The following TMEM200A variants were observed in gnomAD, a reference collection of about 807,000 sequenced individuals.
The protein encoded by TMEM200A is transmembrane protein 200A, also known as two transmembrane C.
In TMEM200A, 12 loss-of-function variants were observed where a neutral mutation model predicts 24.3. The observed-to-expected ratio is 0.49, with a 90% CI of 0.32 to 0.80. The LOEUF is 0.80. Among genes scored for constraint, TMEM200A ranks in the 30% least tolerant of loss-of-function variants. The pLI, the probability that TMEM200A is intolerant of heterozygous loss-of-function variation, is 0.04. For missense variants in TMEM200A, 545 were observed against 614.4 expected, an observed-to-expected ratio of 0.89 and a Z score of 1.19; for synonymous variants, 224 against 224.4, an observed-to-expected ratio of 1.00 and a Z score of 0.02.
At chr6:130,369,947 G>A (rs1044918674) in intron 1 of TMEM200A, among the ~76,000 whole-genome samples, 7 of 152,202 alleles carry the variant, frequency 4.6e-5, no homozygotes, top group African/African-American at 1.7e-4. Flanking sequence ...GTAGAAGGGA[G>A]TTACTCAGGA....
chr6:130,370,558 A>G (rs1221188997), intron 1 of TMEM200A, among the ~76,000 whole-genome samples: 1 of 152,170 alleles, frequency 6.6e-6, no homozygotes, highest in Non-Finnish European at 1.5e-5. Flanking sequence ...CCCTCTGCAC[A>G]ATGATCTGGA....
chr6:130,365,835 T>A, upstream of TMEM200A: 1 of 985,580 alleles, frequency 1.0e-6, no homozygotes, highest in Non-Finnish European at 1.2e-6. Context: ...GCAGATCCTG[T>A]CTGCGTCCTC....
intron 1 of TMEM200A, among the ~76,000 whole-genome samples, chr6:130,384,404 T>G (rs892670657): frequency 2.6e-5 from 4 of 152,154 alleles, no homozygotes; most frequent in African/African-American, 9.7e-5. Flanking sequence ...CTCAAATACT[T>G]GTGCTCAAGT....
rs1416051735 is a variant in TMEM200A at position 130,442,723 on chromosome 6, A to G, written c.*825A>G. On this transcript the variant is annotated 3_prime_UTR_variant, in exon 3 of 3. Coordinates refer to ENST00000296978, the MANE Select transcript of TMEM200A (RefSeq NM_001258277.2). ...AATGTTGACTAATGAATTAAGATACATTATATACTAGTTAATGCTAACTAG... is the reference window on the plus strand; with the variant it reads ...AATGTTGACTAATGAATTAAGATACGTTATATACTAGTTAATGCTAACTAG... The G allele has an allele frequency of 6.0e-6, 1 of 167,016 alleles. No homozygotes were observed. Among genetic ancestry groups the G allele is most frequent in the Non-Finnish European group, 1.5e-5 (1 of 68,104 alleles). 10.3% of individuals were successfully genotyped at this position (167,016 alleles called of 1,614,324 possible). A position where few individuals can be genotyped will look rare whatever the true frequency, so the allele number is the denominator to read the frequency against.
At chr6:130,426,589 G>A (rs1205095835) in intron 2 of TMEM200A, among the ~76,000 whole-genome samples, 2 of 151,848 alleles carry the variant, frequency 1.3e-5, no homozygotes, top group African/African-American at 4.8e-5. Flanking sequence ...GTTTCCATCT[G>A]TGAATCAAAG....
chr6:130,440,497 T>C lies in TMEM200A; in HGVS notation c.75T>C (p.His25=). Residue 25 remains histidine, a synonymous_variant, in exon 3 of 3, where the codon CAT becomes CAC. Coordinates refer to ENST00000296978, the MANE Select transcript of TMEM200A (RefSeq NM_001258277.2). ...KRQDSARSQQ[H]VNLSPSPATQ... ...AAGACTCTGCCAGATCACAGCAGCA[T>C]GTCAACCTCAGCCCGTCTCCTGCTA... 5 of 1,613,954 alleles carry C rather than the reference T, an allele frequency of 3.1e-6. No homozygotes were observed. Among genetic ancestry groups the C allele is most frequent in the Non-Finnish European group, 4.2e-6 (5 of 1,179,902 alleles).
chr6:130,388,282 T>C (rs1470532670), intron 2 of TMEM200A, among the ~76,000 whole-genome samples: 1 of 152,204 alleles, frequency 6.6e-6, no homozygotes, highest in Non-Finnish European at 1.5e-5. Flanking sequence ...TCAGATGCTG[T>C]AGGACTCAGA....
intron 2 of TMEM200A, among the ~76,000 whole-genome samples, chr6:130,402,599 T>C (rs1279536878): frequency 2.0e-5 from 3 of 152,202 alleles, no homozygotes; most frequent in African/African-American, 7.2e-5. Context: ...CTTCAGCATA[T>C]ATCATAGCCA....
At chr6:130,376,787 TA>T (rs1778466310) in intron 1 of TMEM200A, among the ~76,000 whole-genome samples, 2 of 152,140 alleles carry the variant, frequency 1.3e-5, no homozygotes, top group African/African-American at 4.8e-5. Flanking sequence ...CCTGGTTAAG[TA>T]GGAATCTCTG....
At chr6:130,387,646 T>C (rs1476077105) in intron 2 of TMEM200A, among the ~76,000 whole-genome samples, 2 of 152,234 alleles carry the variant, frequency 1.3e-5, no homozygotes, top group Non-Finnish European at 2.9e-5. Context: ...CTTGGCCACA[T>C]GGCTTCTTAA....
upstream of TMEM200A, chr6:130,365,597 A>T (rs937408481): frequency 6.1e-6 from 6 of 985,278 alleles, no homozygotes; most frequent in African/African-American, 1.0e-4. Flanking sequence ...GCTCCGGAGA[A>T]CTGGGGGAGC....
intron 2 of TMEM200A, among the ~76,000 whole-genome samples, chr6:130,422,557 A>T (rs965351809): frequency 1.3e-5 from 2 of 152,148 alleles, no homozygotes; most frequent in Non-Finnish European, 2.9e-5. Flanking sequence ...ATGAGCCACC[A>T]CACACAGCCT....
At chr6:130,374,418 G>GT (rs760281727) in intron 1 of TMEM200A, among the ~76,000 whole-genome samples, 1,541 of 81,772 alleles carry the variant, frequency 0.019, 14 homozygotes, top group South Asian at 0.041. Flanking sequence ...TTTTGTTTTT[G>GT]TTTTTTTTTT....
At chr6:130,414,727 A>G (rs1008055194) in intron 2 of TMEM200A, among the ~76,000 whole-genome samples, 1 of 152,200 alleles carries the variant, frequency 6.6e-6, no homozygotes, top group Non-Finnish European at 1.5e-5. Flanking sequence ...CATTTGGCCA[A>G]GTCCAGTTCT....
chr6:130,409,194 T>TG (rs1284488160), intron 2 of TMEM200A, among the ~76,000 whole-genome samples: 2 of 152,176 alleles, frequency 1.3e-5, no homozygotes, highest in African/African-American at 2.4e-5. Context: ...CTGTCACAGG[T>TG]GTTTTCCCCA....
chr6:130,386,762 G>C (rs899408351), intron 2 of TMEM200A, among the ~76,000 whole-genome samples: 4 of 152,152 alleles, frequency 2.6e-5, no homozygotes, highest in African/African-American at 9.7e-5. Context: ...CGTTTCGACA[G>C]ATAGGAGCTT....
rs545102616 is a variant in TMEM200A at position 130,441,807 on chromosome 6, T to C, written c.1385T>C (p.Met462Thr). Reference sequence around the variant, plus strand: ...TTTACCAATAAGGAGAAGCTTCTTATGATTTCAAGATCTCACAATAATTTG... The same window carrying C: ...TTTACCAATAAGGAGAAGCTTCTTACGATTTCAAGATCTCACAATAATTTG... Reference protein sequence around the residue: ...KDFTNKEKLLMISRSHNNLSF... With the variant: ...KDFTNKEKLLTISRSHNNLSF... The change falls in exon 3 of 3, where the codon ATG (methionine) becomes ACG (threonine). Residue 462 changes from methionine (M) to threonine (T), a missense_variant. Met to Thr is a moderately conservative substitution (Grantham distance 81). Transcript: ENST00000296978. 5.0e-6 allele frequency: 8 copies of C among 1,614,094 alleles called. No homozygotes were observed. In the Admixed American group the frequency reaches 6.7e-5, roughly 13 times the overall value.
At chr6:130,412,204 CT>C in intron 2 of TMEM200A, among the ~76,000 whole-genome samples, 1 of 88,130 alleles carries the variant, frequency 1.1e-5, no homozygotes, top group East Asian at 2.9e-4. Flanking sequence ...TTTTTTTTTT[CT>C]TTTTAGTGGA....
At chr6:130,398,632 C>T (rs940014801) in intron 2 of TMEM200A, among the ~76,000 whole-genome samples, 2 of 152,072 alleles carry the variant, frequency 1.3e-5, no homozygotes, top group African/African-American at 2.4e-5. Context: ...TATTCCACAA[C>T]CTCACCAACA....
Sources: allele counts gnomAD v4.1 joint callset (sites outside exome capture counted in the v4.1 genomes callset), GRCh38; gene constraint gnomAD v4.1.1; transcripts MANE v1.5; gene names NCBI Gene and HGNC (gene_info 2026-07-23, HGNC 2026-07-21).